The following CFAP61 variants were observed in gnomAD, a reference collection of about 807,000 sequenced individuals.
The protein encoded by CFAP61 is cilia- and flagella-associated protein 61.
CFAP61 carries 107 observed loss-of-function variants against 135.6 expected under a neutral mutation model. The observed-to-expected ratio is 0.79, with a 90% confidence interval of 0.67 to 0.93. The LOEUF is 0.93. Ranked by LOEUF, CFAP61 falls within the 40% of genes least tolerant of loss-of-function variation. The probability of loss-of-function intolerance (pLI) is 0.00; values close to 1 mark genes in which losing one functional copy is unlikely to be tolerated. For synonymous variants in CFAP61, 575 were observed against 578.5 expected, an observed-to-expected ratio of 0.99 and a Z score of 0.09; for missense variants, 1,507 against 1,556.2, an observed-to-expected ratio of 0.97 and a Z score of 0.53.
At chr20:20,078,862 T>C (rs1163582872) in intron 6 of CFAP61, among the ~76,000 whole-genome samples, 1 of 152,186 alleles carries the variant, frequency 6.6e-6, no homozygotes, top group Non-Finnish European at 1.5e-5. Context: ...CCAGCCAAAC[T>C]GACCAAGAAA....
chr20:20,345,414 A>AT (rs1224225654), intron 26 of CFAP61, among the ~76,000 whole-genome samples: 1 of 152,158 alleles, frequency 6.6e-6, no homozygotes, highest in Non-Finnish European at 1.5e-5. Context: ...ATTAAAATTA[A>AT]TTTTTTTAAA....
At chr20:20,356,063 G>C (rs1477290862) in intron 26 of CFAP61, among the ~76,000 whole-genome samples, 5 of 142,670 alleles carry the variant, frequency 3.5e-5, no homozygotes, top group Non-Finnish European at 6.2e-5. Context: ...ACTGAGGGGA[G>C]GTAGTGACAC....
At chr20:20,319,867 G>T (rs1477758282) in intron 25 of CFAP61, among the ~76,000 whole-genome samples, 6 of 152,106 alleles carry the variant, frequency 3.9e-5, no homozygotes, top group South Asian at 2.1e-4. Context: ...GAGCATCAGT[G>T]GCTGCTGATA....
chr20:20,192,833 G>A (rs890630666), intron 15 of CFAP61, among the ~76,000 whole-genome samples: 1 of 152,090 alleles, frequency 6.6e-6, no homozygotes, highest in East Asian at 1.9e-4. Context: ...GTATGGAAAA[G>A]CTACTAGTGT....
At chr20:20,073,379 G>A (rs552249470) in intron 3 of CFAP61, among the ~76,000 whole-genome samples, 1 of 152,104 alleles carries the variant, frequency 6.6e-6, no homozygotes, top group African/African-American at 2.4e-5. Flanking sequence ...AATTCTTTCC[G>A]AGTGCTTCTG....
At chr20:20,165,637 A>C (rs972724757) in intron 11 of CFAP61, among the ~76,000 whole-genome samples, 5 of 152,138 alleles carry the variant, frequency 3.3e-5, no homozygotes, top group African/African-American at 1.2e-4. Flanking sequence ...TGTTCACAGA[A>C]CCATCTCGAA....
At chr20:20,293,008 T>C (rs535299367) in intron 24 of CFAP61, among the ~76,000 whole-genome samples, 16 of 152,272 alleles carry the variant, frequency 1.1e-4, no homozygotes, top group African/African-American at 3.8e-4. Context: ...TGGCCATCTT[T>C]AGAAAGTAAA....
intron 19 of CFAP61, among the ~76,000 whole-genome samples, chr20:20,250,273 T>A (rs1203857635): frequency 2.6e-5 from 4 of 152,212 alleles, no homozygotes; most frequent in Non-Finnish European, 5.9e-5. Flanking sequence ...CACATACGCA[T>A]CCTGCCTAAC....
intron 13 of CFAP61, among the ~76,000 whole-genome samples, chr20:20,180,700 A>G (rs1488543951): frequency 3.9e-5 from 6 of 152,172 alleles, no homozygotes. Context: ...AAGGACACAT[A>G]CACACACATG....
chr20:20,079,563 T>A (rs2046291583), intron 6 of CFAP61, among the ~76,000 whole-genome samples: 1 of 152,284 alleles, frequency 6.6e-6, no homozygotes, highest in Non-Finnish European at 1.5e-5. Context: ...TGTAATGTGA[T>A]CCCGTTTTTC....
intron 17 of CFAP61, among the ~76,000 whole-genome samples, chr20:20,201,242 A>C (rs1002950989): frequency 1.3e-5 from 2 of 152,190 alleles, no homozygotes; most frequent in South Asian, 4.1e-4. Context: ...TCTCTTACTC[A>C]TATCTTCATA....
At chr20:20,266,109 A>G (rs6081942) in intron 21 of CFAP61, among the ~76,000 whole-genome samples, 53,995 of 151,978 alleles carry the variant, frequency 0.36, 10,273 homozygotes, top group Middle Eastern at 0.48. Context: ...CCTCCTAAAT[A>G]AACCATTGGC....
chr20:20,172,339 C>T (rs558866189), intron 13 of CFAP61: 351 of 900,660 alleles, frequency 3.9e-4, no homozygotes, highest in Non-Finnish European at 4.3e-4. Flanking sequence ...TTTTTTGAGA[C>T]GGCATCTCAC....
intron 20 of CFAP61, among the ~76,000 whole-genome samples, chr20:20,261,094 C>T (rs1033816756): frequency 6.6e-6 from 1 of 152,154 alleles, no homozygotes; most frequent in Non-Finnish European, 1.5e-5. Flanking sequence ...TAGTTGTTCC[C>T]TTTTGCTAAA....
intron 21 of CFAP61, among the ~76,000 whole-genome samples, chr20:20,272,113 A>G (rs1351606104): frequency 6.6e-6 from 1 of 152,268 alleles, no homozygotes; most frequent in Non-Finnish European, 1.5e-5. Flanking sequence ...AAATAAATTC[A>G]TATTTAATTA....
intron 21 of CFAP61, among the ~76,000 whole-genome samples, chr20:20,264,568 C>CA (rs2052549361): frequency 6.6e-6 from 1 of 152,302 alleles, no homozygotes; most frequent in Non-Finnish European, 1.5e-5. Context: ...TATGTAGACT[C>CA]AGAGTATTTT....
chr20:20,140,584 G>A (rs1186637248), intron 8 of CFAP61, among the ~76,000 whole-genome samples: 1 of 152,136 alleles, frequency 6.6e-6, no homozygotes, highest in African/African-American at 2.4e-5. Context: ...GAGAGGATGT[G>A]GAGAAATATG....
At chr20:20,282,401 C>T (rs1428818194) in intron 22 of CFAP61, among the ~76,000 whole-genome samples, 2 of 152,038 alleles carry the variant, frequency 1.3e-5, no homozygotes, top group Non-Finnish European at 2.9e-5. Context: ...AGCCTTAAGT[C>T]GTTGATTTAT....
chr20:20,210,353 A>G (rs2047542822), intron 17 of CFAP61, among the ~76,000 whole-genome samples: 1 of 152,128 alleles, frequency 6.6e-6, no homozygotes, highest in Non-Finnish European at 1.5e-5. Flanking sequence ...TGCATCTGTC[A>G]TTGGAAGCAT....
Sources: allele counts gnomAD v4.1 joint callset (sites outside exome capture counted in the v4.1 genomes callset), GRCh38; gene constraint gnomAD v4.1.1; transcripts MANE v1.5; gene names NCBI Gene and HGNC (gene_info 2026-07-23, HGNC 2026-07-21).